The following SEMA6C variants were observed in gnomAD, a reference collection of about 807,000 sequenced individuals.
SEMA6C encodes semaphorin-6C.
In SEMA6C, 37 loss-of-function variants were observed where a neutral mutation model predicts 72.9. That is an observed-to-expected ratio of 0.51 (90% CI 0.39 to 0.67). SEMA6C has a LOEUF of 0.67. Among genes scored for constraint, SEMA6C ranks in the 30% least tolerant of loss-of-function variants. The pLI, the probability that SEMA6C is intolerant of heterozygous loss-of-function variation, is 0.00. For missense variants in SEMA6C, 1,189 were observed against 1,263.6 expected, an observed-to-expected ratio of 0.94 and a Z score of 0.89; for synonymous variants, 578 against 554.1, an observed-to-expected ratio of 1.04 and a Z score of -0.61.
chr1:151,136,420 C>A, intron 12 of SEMA6C, 28 bp downstream of exon 12: 1 of 1,608,206 alleles, frequency 6.2e-7, no homozygotes, highest in South Asian at 1.1e-5. Flanking sequence ...TGCTTCTGCC[C>A]CCACAAAAAC....
chr1:151,139,329 T>A (rs1682330047), intron 6 of SEMA6C, 96 bp downstream of exon 6: 2 of 1,020,358 alleles, frequency 2.0e-6, no homozygotes, highest in Non-Finnish European at 1.6e-6. Context: ...ATGGAAAAAG[T>A]GTGAAGGAAA....
intron 10 of SEMA6C, among the ~76,000 whole-genome samples, 198 bp downstream of exon 10, chr1:151,137,513 G>A (rs1472417535): frequency 6.6e-6 from 1 of 151,928 alleles, no homozygotes; most frequent in Non-Finnish European, 1.5e-5. Context: ...GGTATGGCAT[G>A]GTAGGTCAAC....
chr1:151,136,643 G>T lies in SEMA6C; in HGVS notation c.975-64C>A, dbSNP rs991412126. 1.1e-5 allele frequency: 17 copies of T among 1,594,258 alleles called. No individual in the cohort carries two copies. In the African/African-American group the frequency reaches 1.7e-4, roughly 16 times the overall value. On this transcript the variant is annotated intron_variant, in intron 11 of 18. Transcript: ENST00000368914. ...GGAACTGCACAACTTCCCCCAGGAAGAAGTGGTGGCACCCTTCATACCACA... is the reference window on the plus strand; with the variant it reads ...GGAACTGCACAACTTCCCCCAGGAATAAGTGGTGGCACCCTTCATACCACA...
chr1:151,133,153 C>T lies in SEMA6C; in HGVS notation c.2124G>A (p.Pro708=), dbSNP rs1361288808. The T allele has an allele frequency of 7.7e-6, 12 of 1,550,372 alleles. No individual in the cohort carries two copies. The highest frequency in any genetic ancestry group is 2.3e-5 in the East Asian group (1 of 43,316). ...CCCCGGCGGCGCGGAGGTGCTTGAC[C>T]GGCAGCTCCGGCGTGGACTCGGGGG... ...LPTPESTPEL[P]VKHLRAAGDP... The change falls in exon 19 of 19, where the codon CCG becomes CCA. Residue 708 remains proline, a synonymous_variant. Transcript: ENST00000368914. The surrounding 1 kb of genome is among the most constrained non-coding windows in gnomAD (Gnocchi z 5.9).
chr1:151,142,653 G>A lies in SEMA6C; in HGVS notation c.-32C>T, dbSNP rs767807354. On this transcript the variant is annotated 5_prime_UTR_variant, in exon 3 of 19. Coordinates refer to ENST00000368914, the MANE Select transcript of SEMA6C (RefSeq NM_030913.6). ...CGGGGCAGCTCAGGCCCCAGGGGGT[G>A]CCCCCTCACCCATAAGCCGGCCCTG... 1.1e-5 allele frequency: 16 copies of A among 1,490,718 alleles called. No individual in the cohort carries two copies. The highest frequency in any genetic ancestry group is 7.7e-5 in the Admixed American group (3 of 39,108). 92.3% of individuals were successfully genotyped at this position (1,490,718 alleles called of 1,614,324 possible). A position where few individuals can be genotyped will look rare whatever the true frequency, so the allele number is the denominator to read the frequency against.
In SEMA6C at chr1:151,132,942, G is replaced by A; in HGVS notation, c.2335C>T (p.Pro779Ser). Residue 779 changes from proline (P) to serine (S), a missense_variant, in exon 19 of 19, where the codon CCG becomes TCG. This residue lies in a region of SEMA6C where 721 missense variants were observed against 686.2 expected (regional missense o/e 1.05). Transcript: ENST00000368914. Reference protein sequence around the residue: ...ELLRYLHGPQPPRKGAEPPAP... With the variant: ...ELLRYLHGPQSPRKGAEPPAP... ...GGGGGCTCGGCCCCCTTTCTGGGCG[G>A]CTGCGGGCCGTGCAGGTAGCGCAGC... 7.1e-7 allele frequency: 1 copy of A among 1,405,852 alleles called. No homozygotes were observed. Among genetic ancestry groups the A allele is most frequent in the South Asian group, 1.3e-5 (1 of 77,142 alleles). The allele number at this position is 1,405,852 out of a possible 1,614,324, so 87.1% of individuals were successfully genotyped here.
At position 151,132,887 on chromosome 1, in the gene SEMA6C, G is replaced by A. The variant is rs1197397970; in HGVS notation, c.2390C>T (p.Pro797Leu). The A allele has an allele frequency of 4.6e-6, 6 of 1,312,318 alleles. No homozygotes were observed. The highest frequency in any genetic ancestry group is 5.8e-6 in the Non-Finnish European group (6 of 1,031,172). The allele number at this position is 1,312,318 out of a possible 1,614,324, so 81.3% of individuals were successfully genotyped here. Residue 797 changes from proline (P) to leucine (L), a missense_variant, in exon 19 of 19, where the codon CCG becomes CTG. By Grantham distance (98) the Pro-to-Leu change is moderately conservative. Transcript: ENST00000368914. ...GCCCAAGAGGGCGGGGGCGGGCTCC[G>A]GCGGGAGCGCCCGCGAGGTTAAAGG... ...PAPLTSRALP[P>L]EPAPALLGGP... is the part of the protein sequence containing the mutation.
rs1682031162 is a variant in SEMA6C, at chr1:151,136,482, T to G, written c.1072A>C (p.Thr358Pro). The G allele has an allele frequency of 6.2e-7, 1 of 1,613,322 alleles. No individual in the cohort carries two copies. The highest frequency in any genetic ancestry group is 8.5e-7 in the Non-Finnish European group (1 of 1,179,816). Residue 358 changes from threonine (T) to proline (P), a missense_variant, in exon 12 of 19, where the codon ACT (threonine) becomes CCT (proline). Physicochemically the swap from Thr to Pro is conservative, Grantham distance 38. Around this residue, in one of 2 missense-constraint regions of SEMA6C, gnomAD observed 468 missense variants for 577.4 expected, o/e 0.81. Transcript: ENST00000368914. ...GGAACTCTGTCCTCAGACACAGGAGTCCAGGCCCCATCCAGACTCCTCTGC... is the reference window on the plus strand; with the variant it reads ...GGAACTCTGTCCTCAGACACAGGAGGCCAGGCCCCATCCAGACTCCTCTGC... The part of the protein sequence containing the change: ...KEQRSLDGAW[T>P]PVSEDRVPSP...
Position 151,136,866 on chromosome 1 carries a change from T to C in SEMA6C, c.965A>G (p.Gln322Arg). ...TCAGCCTAGTACCAACCTATTGGTC[T>C]GGGTGGTGAAGACCCCAAAGAGAGC... ...RSALFGVFTTQTNSIPGSAVC... is the reference protein window; with the variant it reads ...RSALFGVFTTRTNSIPGSAVC... Residue 322 changes from glutamine to arginine, a missense_variant, in exon 11 of 19, where the codon CAG becomes CGG. Coordinates refer to ENST00000368914, the MANE Select transcript of SEMA6C (RefSeq NM_030913.6). 6.2e-7 allele frequency: 1 copy of C among 1,613,622 alleles called. No individual in the cohort carries two copies. The highest frequency in any genetic ancestry group is 8.5e-7 in the Non-Finnish European group (1 of 1,179,776).
intron 9 of SEMA6C, 30 bp from the exon 10 acceptor site, chr1:151,137,829 A>G (rs1328738328): frequency 6.2e-7 from 1 of 1,605,888 alleles, no homozygotes; most frequent in African/African-American, 1.3e-5. Flanking sequence ...GAAAGGGTAT[A>G]GAAGAGTATC....
rs1302060487 is a variant in SEMA6C, at chr1:151,136,447, C to G, written c.1106+1G>C. ...CACAAAAACAACTCCATCCTGGGTACCTGGGTGAGGGAACTCTGTCCTCAG... is the reference window on the plus strand; with the variant it reads ...CACAAAAACAACTCCATCCTGGGTAGCTGGGTGAGGGAACTCTGTCCTCAG... On this transcript the variant is annotated splice_donor_variant, in intron 12 of 18. Coordinates refer to ENST00000368914, the MANE Select transcript of SEMA6C (RefSeq NM_030913.6). LOFTEE classifies it high-confidence loss of function. The G allele has an allele frequency of 2.5e-6, 4 of 1,613,038 alleles. No homozygotes were observed. Among genetic ancestry groups the G allele is most frequent in the Non-Finnish European group, 3.4e-6 (4 of 1,179,682 alleles).
Position 151,132,933 on chromosome 1 carries a change from T to G in SEMA6C, c.2344A>C (p.Lys782Gln), listed in dbSNP as rs1439032986. The G allele has an allele frequency of 5.0e-6, 7 of 1,396,108 alleles. No homozygotes were observed. In the African/African-American group the frequency reaches 7.8e-5, roughly 16 times the overall value. 86.5% of individuals were successfully genotyped at this position (1,396,108 alleles called of 1,614,324 possible). Residue 782 changes from lysine to glutamine, a missense_variant, in exon 19 of 19, where the codon AAG becomes CAG. Around this residue, in one of 2 missense-constraint regions of SEMA6C, gnomAD observed 721 missense variants for 686.2 expected, o/e 1.05. Coordinates refer to ENST00000368914, the MANE Select transcript of SEMA6C (RefSeq NM_030913.6). ...RYLHGPQPPRKGAEPPAPLTS... is the reference protein window; with the variant it reads ...RYLHGPQPPRQGAEPPAPLTS... ...AAAGGGGCGGGGGGCTCGGCCCCCT[T>G]TCTGGGCGGCTGCGGGCCGTGCAGG...
chr1:151,142,762 C>T, intron 2 of SEMA6C, 87 bp from the exon 3 acceptor site: 1 of 633,424 alleles, frequency 1.6e-6, no homozygotes, highest in Non-Finnish European at 2.7e-6. Context: ...CTGGTGTATC[C>T]CCAGAAGACC....
chr1:151,138,223 T>C, intron 8 of SEMA6C, 93 bp downstream of exon 8: 1 of 1,582,822 alleles, frequency 6.3e-7, no homozygotes, highest in East Asian at 2.2e-5. Flanking sequence ...AACCCTCCAC[T>C]CAGGGGAATG....
At chr1:151,142,358 G>T in intron 3 of SEMA6C, 146 bp downstream of exon 3, 2 of 865,426 alleles carry the variant, frequency 2.3e-6, no homozygotes, top group Non-Finnish European at 3.6e-6. Context: ...GGAGGTGTCA[G>T]CTCACTCTAC....
chr1:151,136,825 G>T (rs1682056451), intron 11 of SEMA6C, 32 bp downstream of exon 11: 4 of 1,584,244 alleles, frequency 2.5e-6, no homozygotes. Flanking sequence ...GCAGGGGACA[G>T]ATTGGGTCAC....
chr1:151,141,563 C>T (rs1682554605), intron 3 of SEMA6C, among the ~76,000 whole-genome samples: 1 of 152,040 alleles, frequency 6.6e-6, no homozygotes, highest in Non-Finnish European at 1.5e-5. Context: ...GCACACGCCA[C>T]CAAGCCTGGC....
chr1:151,134,748 T>C, intron 16 of SEMA6C, 50 bp downstream of exon 16: 1 of 1,612,736 alleles, frequency 6.2e-7, no homozygotes, highest in South Asian at 1.1e-5. Flanking sequence ...TCAGCTTGTC[T>C]TATTGGTGGG....
In SEMA6C at chr1:151,133,127, TC is replaced by T. The variant is rs1384632571; in HGVS notation, c.2149del (p.Asp717ThrfsTer34). Reference sequence around the variant, plus strand: ...CCTGTTCTGGTTCCACTCCCAGGGGTCCCCGGCGGCGCGGAGGTGCTTGACC... The same window carrying T: ...CCTGTTCTGGTTCCACTCCCAGGGGTCCCGGCGGCGCGGAGGTGCTTGACC... Reference protein sequence around the residue: ...LPVKHLRAAGDPWEWNQNRNN... With the variant: ...LPVKHLRAAGXPWEWNQNRNN... On this transcript the variant is annotated frameshift_variant, in exon 19 of 19. Coordinates refer to ENST00000368914, the MANE Select transcript of SEMA6C (RefSeq NM_030913.6). LOFTEE classifies it low-confidence loss of function (END_TRUNC). This position sits in a 1 kb window ranked among gnomAD's most constrained non-coding sequence, Gnocchi z 5.9. The T allele has an allele frequency of 4.5e-6, 7 of 1,562,476 alleles. No homozygotes were observed. The highest frequency in any genetic ancestry group is 1.2e-5 in the South Asian group (1 of 86,382).
Sources: gnomAD v4.1 joint callset for allele counts (sites outside exome capture counted in the v4.1 genomes callset) on GRCh38, gnomAD v4.1.1 for gene constraint, gnomAD v4.1.1 regional missense constraint, Gnocchi (gnomAD v3.1) non-coding constraint, MANE v1.5 for transcripts, NCBI Gene and HGNC (gene_info 2026-07-23, HGNC 2026-07-21) for gene names.